The following ALDH4A1 variants were observed in gnomAD, a reference collection of about 807,000 sequenced individuals.
The protein encoded by ALDH4A1 is delta-1-pyrroline-5-carboxylate dehydrogenase, mitochondrial.
In ALDH4A1, 46 loss-of-function variants were observed where a neutral mutation model predicts 70.5. That is an observed-to-expected ratio of 0.65 (90% CI 0.51 to 0.83). The LOEUF is 0.83. ALDH4A1 is among the 40% of genes least tolerant of loss of function. The pLI is 0.00. For synonymous variants in ALDH4A1, 323 were observed against 324.3 expected (o/e 1.00, Z 0.04); for missense variants, 749 against 766.5 (o/e 0.98, Z 0.27).
intron 3 of ALDH4A1, among the ~76,000 whole-genome samples, 190 bp from the exon 4 acceptor site, chr1:18,886,701 C>CCGCT (rs1277938115): frequency 1.3e-5 from 2 of 152,150 alleles, no homozygotes; most frequent in African/African-American, 4.8e-5. Context: ...GCTGGTGTAC[C>CCGCT]CGCTATACCA....
At chr1:18,877,677 A>G in intron 9 of ALDH4A1, 65 bp from the exon 10 acceptor site, 1 of 1,472,296 alleles carries the variant, frequency 6.8e-7, no homozygotes, top group East Asian at 2.3e-5. Flanking sequence ...CAGGGGCCCA[A>G]AACACCACCT....
rs1935771922 is a variant in ALDH4A1, at chr1:18,900,750, C to G, written c.62+1712G>C. On this transcript the variant is annotated intron_variant, in intron 1 of 14. Transcript: ENST00000375341. ...CTGCAAAATGCTCTTTCTCTTTCCC[C>G]TCTCAATTCAGGAGGCCTCATAATT... is the stretch of plus-strand genomic sequence containing the variant. 7.4e-6 allele frequency: 5 copies of G among 671,484 alleles called. No individual in the cohort carries two copies. The South Asian group carries it at 3.3e-4, about 45-fold the overall frequency. 41.6% of individuals were successfully genotyped at this position (671,484 alleles called of 1,614,324 possible).
rs766379933 is a variant in ALDH4A1 at position 18,872,805 on chromosome 1, T to TGGAC, written c.*36_*39dup. On this transcript the variant is annotated 3_prime_UTR_variant, in exon 15 of 15. Coordinates refer to ENST00000375341, the MANE Select transcript of ALDH4A1 (RefSeq NM_003748.4). ...GGTCTGTGCAGTGAGGTCGGCCACC[T>TGGAC]GGACGGACAGACAGCTGGACGGTGG... 140 of 1,563,714 alleles carry TGGAC rather than the reference T, an allele frequency of 9.0e-5. 1 individual carries two copies. The African/African-American group carries it at 1.7e-3, about 19-fold the overall frequency.
rs150927009 is a variant in ALDH4A1, at chr1:18,877,587, G to A, written c.966C>T (p.Phe322=). ...AGECGGKNFH[F]VHRSADVESV... is the part of the protein sequence containing the mutation. ...TCTCCACGTCGGCCGAGCGGTGCAC[G>A]AAGTGGAAGTTCTTTCCGCCGCACT... Residue 322 remains phenylalanine (F), a synonymous_variant, in exon 10 of 15, where the codon TTC becomes TTT. Transcript: ENST00000375341. 1.4e-5 allele frequency: 21 copies of A among 1,550,950 alleles called. No homozygotes were observed. The highest frequency in any genetic ancestry group is 4.4e-5 in the South Asian group (4 of 90,398).
intron 9 of ALDH4A1, 109 bp from the exon 10 acceptor site, chr1:18,877,721 G>A (rs1261916005): frequency 6.7e-6 from 9 of 1,351,026 alleles, no homozygotes; most frequent in South Asian, 1.3e-5. Context: ...ACACGAGCAC[G>A]GAGCAGCCCA....
intron 10 of ALDH4A1, 60 bp from the exon 11 acceptor site, chr1:18,877,315 C>T (rs1405357356): frequency 1.3e-6 from 2 of 1,565,292 alleles, no homozygotes; most frequent in East Asian, 2.4e-5. Flanking sequence ...CAAGGGAGAC[C>T]CCTCCCCGCA....
At chr1:18,885,229 A>G (rs1935145363) in intron 5 of ALDH4A1, 1 of 571,124 alleles carries the variant, frequency 1.8e-6, no homozygotes, top group African/African-American at 1.9e-5. Context: ...AGGAGCGAGG[A>G]CAGAGGGATG....
chr1:18,896,892 CAA>C (rs372356973), intron 1 of ALDH4A1, among the ~76,000 whole-genome samples: 9 of 119,780 alleles, frequency 7.5e-5, no homozygotes, highest in African/African-American at 9.2e-5. Context: ...GACGATGTCT[CAA>C]AAAAAAAAAA....
chr1:18,899,952 G>A (rs1237751516), intron 1 of ALDH4A1, among the ~76,000 whole-genome samples: 1 of 152,124 alleles, frequency 6.6e-6, no homozygotes, highest in African/African-American at 2.4e-5. Context: ...TGTATAAAGG[G>A]AAAAAACAAG....
At chr1:18,902,358 G>A in intron 1 of ALDH4A1, 104 bp downstream of exon 1, 1 of 1,000,370 alleles carries the variant, frequency 1.0e-6, no homozygotes, top group Non-Finnish European at 1.3e-6. Context: ...GGCAGCTTGG[G>A]GGTCCGGCAG....
At chr1:18,877,097 G>T in intron 11 of ALDH4A1, 111 bp downstream of exon 11, 1 of 1,359,838 alleles carries the variant, frequency 7.4e-7, no homozygotes, top group Non-Finnish European at 1.0e-6. Context: ...CTTGATCAAA[G>T]CAGTGGGGCT....
At chr1:18,876,687 A>G (rs1215010344) in intron 11 of ALDH4A1, among the ~76,000 whole-genome samples, 2 of 4,306 alleles carry the variant, frequency 4.6e-4, no homozygotes, top group Non-Finnish European at 2.1e-3. Flanking sequence ...GTGTACACAC[A>G]CAAGTGTACG....
intron 3 of ALDH4A1, 108 bp from the exon 4 acceptor site, chr1:18,886,619 G>A: frequency 8.5e-7 from 1 of 1,180,524 alleles, no homozygotes; most frequent in Non-Finnish European, 1.3e-6. Context: ...GGACACGCCT[G>A]CTGTCCCCCC....
intron 7 of ALDH4A1, among the ~76,000 whole-genome samples, chr1:18,882,278 G>C (rs1209598182): frequency 6.6e-6 from 1 of 152,182 alleles, no homozygotes; most frequent in Non-Finnish European, 1.5e-5. Context: ...AGCCAGGCAC[G>C]TGGGCGCCTG....
At position 18,872,889 on chromosome 1, in the gene ALDH4A1, T is replaced by C. The variant is rs1457287378; in HGVS notation, c.1648A>G (p.Thr550Ala). The change falls in exon 15 of 15, where the codon ACA becomes GCA. Residue 550 changes from threonine (T) to alanine (A), a missense_variant. Thr to Ala is a moderately conservative substitution (Grantham distance 58). Transcript: ENST00000375341. ...RWTSPQVIKE[T>A]HKPLGDWSYA... The stretch of plus-strand genomic sequence containing the variant: ...CTCCAGTCCCCCAGGGGCTTATGTG[T>C]CTCCTTGATGACCTGCGGCGACGTC... The C allele has an allele frequency of 3.1e-6, 5 of 1,613,994 alleles. No individual in the cohort carries two copies. Among genetic ancestry groups the C allele is most frequent in the Middle Eastern group, 1.6e-4 (1 of 6,062 alleles).
Position 18,880,591 on chromosome 1 carries a change from CA to C in ALDH4A1, c.866+1108del, listed in dbSNP as rs1255570960. The stretch of plus-strand genomic sequence containing the variant: ...ATCACTGAGAATGAGGGTGCCAACA[CA>C]GGGGCCCAGAGGAGCCAGCAGGGAA... On this transcript the variant is annotated intron_variant, in intron 8 of 14. Transcript: ENST00000375341. This position sits in a 1 kb window ranked among gnomAD's most constrained non-coding sequence, Gnocchi z 5.1. Among the ~76,000 whole-genome samples the C allele has an allele frequency of 6.6e-6, 1 of 152,134 alleles. No individual in the cohort carries two copies. Among genetic ancestry groups the C allele is most frequent in the African/African-American group, 2.4e-5 (1 of 41,412 alleles).
intron 1 of ALDH4A1, among the ~76,000 whole-genome samples, chr1:18,901,971 C>T (rs1935814215): frequency 7.4e-6 from 1 of 135,876 alleles, no homozygotes; most frequent in Non-Finnish European, 1.5e-5. Flanking sequence ...GTGTGGGGAG[C>T]GGAAAAGAGA....
chr1:18,876,172 T>C, intron 12 of ALDH4A1, 143 bp downstream of exon 12: 2 of 1,142,596 alleles, frequency 1.8e-6, no homozygotes, highest in Non-Finnish European at 2.5e-6. Context: ...CTCTACTCTC[T>C]CCCGGTCGGA....
At position 18,875,507 on chromosome 1, in the gene ALDH4A1, GGA is replaced by G. The variant is rs1491555598; in HGVS notation, c.1339-6_1339-5del. On this transcript the variant is annotated splice_polypyrimidine_tract_variant and splice_region_variant and intron_variant, in intron 12 of 14. Transcript: ENST00000375341. ...ACAGTACAGGCCCGAAGATCTCCTAGGAGAGAGGCCCCGGCGTCAGACCCTCC... is the reference window on the plus strand; with the variant it reads ...ACAGTACAGGCCCGAAGATCTCCTAGGAGAGGCCCCGGCGTCAGACCCTCC... The G allele has an allele frequency of 6.2e-7, 1 of 1,613,938 alleles. No individual in the cohort carries two copies. Among genetic ancestry groups the G allele is most frequent in the African/African-American group, 1.3e-5 (1 of 74,912 alleles).
Sources: allele counts gnomAD v4.1 joint callset (sites outside exome capture counted in the v4.1 genomes callset), GRCh38; gene constraint gnomAD v4.1.1; non-coding constraint Gnocchi (gnomAD v3.1); transcripts MANE v1.5; gene names NCBI Gene and HGNC (gene_info 2026-07-23, HGNC 2026-07-21).